CELA3A: variants seen among roughly 807,000 people sequenced by gnomAD.
CELA3A encodes chymotrypsin like elastase 3A, also known as chymotrypsin-like elastase family member 3A.
Under a neutral mutation model 38.6 loss-of-function variants are expected in CELA3A, and 35 were observed. That is an observed-to-expected ratio of 0.91 (90% CI 0.69 to 1.20). The LOEUF (loss-of-function observed/expected upper bound fraction) is 1.20, where lower values mean the gene tolerates loss of function less well. Ranked by LOEUF, CELA3A falls within the 50% of genes most tolerant of loss-of-function variation. The pLI is 0.00. For missense variants in CELA3A, 343 were observed against 354.2 expected (o/e 0.97, Z 0.25); for synonymous variants, 143 against 136.7 (o/e 1.05, Z -0.32).
intron 6 of CELA3A, among the ~76,000 whole-genome samples, chr1:22,008,152 CTTTTT>C (rs71016968): frequency 1.5e-4 from 13 of 86,842 alleles, no homozygotes; most frequent in Non-Finnish European, 2.4e-4. Flanking sequence ...GACGTTGTCT[CTTTTT>C]TTTTTTTTTT....
At chr1:22,003,712 C>G (rs12088555) in intron 2 of CELA3A, among the ~76,000 whole-genome samples, 52,587 of 150,034 alleles carry the variant, frequency 0.35, 10,754 homozygotes, top group East Asian at 0.49. Context: ...ATTATTATTA[C>G]TATTATTATT....
Position 22,007,387 on chromosome 1 carries a change from C to A in CELA3A, c.514C>A (p.Pro172Thr). The A allele has an allele frequency of 1.2e-6, 2 of 1,611,538 alleles. No individual in the cohort carries two copies. The highest frequency in any genetic ancestry group is 1.7e-6 in the Non-Finnish European group (2 of 1,178,898). Residue 172 changes from proline to threonine, a missense_variant, in exon 6 of 8, where the codon CCA becomes ACA. Coordinates refer to ENST00000290122, the MANE Select transcript of CELA3A (RefSeq NM_005747.5). ...WGRLYTNGPL[P>T]DKLQQARLPV... is the part of the protein sequence containing the mutation. ...TATCCTTGCAGCCAATGGGCCACTCCCAGACAAGCTGCAGCAGGCCCGGCT... is the reference window on the plus strand; with the variant it reads ...TATCCTTGCAGCCAATGGGCCACTCACAGACAAGCTGCAGCAGGCCCGGCT...
intron 7 of CELA3A, chr1:22,010,296 G>A (rs147644802): frequency 8.6e-5 from 33 of 381,690 alleles, no homozygotes; most frequent in South Asian, 2.0e-4. Context: ...AACGCTCATG[G>A]TAACAGTAAT....
At chr1:22,011,548 C>T (rs1178544828) in intron 7 of CELA3A, among the ~76,000 whole-genome samples, 6 of 127,736 alleles carry the variant, frequency 4.7e-5, no homozygotes, top group Admixed American at 1.8e-4. Context: ...ATCACAAGGT[C>T]AGGAGTTCGA....
At chr1:22,004,705 G>A (rs1354602605) in intron 2 of CELA3A, among the ~76,000 whole-genome samples, 14 of 151,782 alleles carry the variant, frequency 9.2e-5, no homozygotes, top group Non-Finnish European at 1.8e-4. Flanking sequence ...TGGAGCTTTT[G>A]AAAATCAGAA....
chr1:22,003,531 T>G (rs1644930429), intron 2 of CELA3A, among the ~76,000 whole-genome samples: 1 of 150,322 alleles, frequency 6.7e-6, no homozygotes, highest in Admixed American at 6.6e-5. Context: ...TTTAATTAAA[T>G]TAGGCCAGGT....
At chr1:22,009,637 A>G in intron 6 of CELA3A, 68 bp from the exon 7 acceptor site, 1 of 1,560,962 alleles carries the variant, frequency 6.4e-7, no homozygotes, top group Admixed American at 2.1e-5. Context: ...TGAAATCCCT[A>G]GAATTCAGAA....
chr1:22,001,807 C>G, intron 1 of CELA3A, 90 bp downstream of exon 1: 2 of 1,552,870 alleles, frequency 1.3e-6, no homozygotes, highest in East Asian at 4.5e-5. Flanking sequence ...CCATGACATG[C>G]TATGCCTGGT....
intron 4 of CELA3A, chr1:22,006,062 G>T (rs1431025512): frequency 4.2e-6 from 2 of 472,572 alleles, no homozygotes; most frequent in Non-Finnish European, 7.4e-6. Context: ...CTCTGCCAAG[G>T]CCACTTGGCT....
At position 22,006,954 on chromosome 1, in the gene CELA3A, G is replaced by C; in HGVS notation, c.439G>C (p.Ala147Pro). The change falls in exon 5 of 8, where the codon GCT becomes CCT. Residue 147 changes from alanine to proline, a missense_variant. Ala to Pro is a conservative substitution (Grantham distance 27). Coordinates refer to ENST00000290122, the MANE Select transcript of CELA3A (RefSeq NM_005747.5). ...CGTCCAGCTCGCCTCACTCCCTCCCGCTGGTGACATCCTTCCCAACAAGAC... is the reference window on the plus strand; with the variant it reads ...CGTCCAGCTCGCCTCACTCCCTCCCCCTGGTGACATCCTTCCCAACAAGAC... Reference protein sequence around the residue: ...DAVQLASLPPAGDILPNKTPC... With the variant: ...DAVQLASLPPPGDILPNKTPC... 1 of 1,612,342 alleles carries C rather than the reference G, an allele frequency of 6.2e-7. No homozygotes were observed.
At position 22,006,073 on chromosome 1, in the gene CELA3A, A is replaced by G. The variant is rs1168477751; in HGVS notation, c.362+277A>G. On this transcript the variant is annotated intron_variant, in intron 4 of 7. Transcript: ENST00000290122. ...GGAACTCTGCCAAGGCCACTTGGCT[A>G]GTGGCTTCAGAGCTCAGGGTTCCTC... is the stretch of plus-strand genomic sequence containing the variant. 3.1e-5 allele frequency: 14 copies of G among 445,962 alleles called. No homozygotes were observed. In the South Asian group the frequency reaches 4.8e-4, roughly 15 times the overall value. 27.6% of individuals were successfully genotyped at this position (445,962 alleles called of 1,614,324 possible). A position where few individuals can be genotyped will look rare whatever the true frequency, so the allele number is the denominator to read the frequency against.
At position 22,005,790 on chromosome 1, in the gene CELA3A, C is replaced by T. The variant is rs1644946410; in HGVS notation, c.356C>T (p.Ala119Val). 7 of 1,611,214 alleles carry T rather than the reference C, an allele frequency of 4.3e-6. No homozygotes were observed. In the South Asian group the frequency reaches 5.5e-5, roughly 13 times the overall value. The change falls in exon 4 of 8, where the codon GCC (alanine) becomes GTC (valine). Residue 119 changes from alanine to valine, a missense_variant. Ala to Val is a moderately conservative substitution (Grantham distance 64). Coordinates refer to ENST00000290122, the MANE Select transcript of CELA3A (RefSeq NM_005747.5). ...CCACTCTGGAACCGCTCGTGTGTGG[C>T]CTGTGGGTGAGTGAATGCTCCGGTC... ...VHPLWNRSCV[A>V]CGNDIALIKL... is the part of the protein sequence containing the mutation.
chr1:22,003,742 G>T (rs1349805228), intron 2 of CELA3A, among the ~76,000 whole-genome samples: 2 of 150,966 alleles, frequency 1.3e-5, no homozygotes, highest in Non-Finnish European at 2.9e-5. Context: ...TTTCACTCTT[G>T]TTGCCCAGGC....
intron 1 of CELA3A, chr1:22,002,541 C>G (rs1383440841): frequency 8.8e-6 from 4 of 455,072 alleles, no homozygotes; most frequent in Non-Finnish European, 1.8e-5. Flanking sequence ...TGAGGTCTTG[C>G]TATGTTGCCC....
chr1:22,004,451 C>A (rs1485973119), intron 2 of CELA3A, among the ~76,000 whole-genome samples: 1 of 150,782 alleles, frequency 6.6e-6, no homozygotes, highest in East Asian at 2.0e-4. Flanking sequence ...ATAGAACATT[C>A]CCATGATTAT....
chr1:22,008,891 C>T (rs541582061), intron 6 of CELA3A, among the ~76,000 whole-genome samples: 92 of 152,070 alleles, frequency 6.0e-4, no homozygotes, highest in Non-Finnish European at 2.6e-4. Context: ...GTGCTAAGAT[C>T]GTGCATCATC....
rs148819370 is a variant in CELA3A, at chr1:22,002,259, C to A, written c.43+542C>A. 1.1e-3 allele frequency among the ~76,000 whole-genome samples: 164 copies of A among 151,466 alleles called. 6 individuals are homozygous for A. The highest frequency in any genetic ancestry group is 3.9e-3 in the African/African-American group (159 of 41,008). ...CTTTCTCATGTAATTCTCACAACAG[C>A]CTCAGGAGATCAGTACTATCATTAT... On this transcript the variant is annotated intron_variant, in intron 1 of 7. Coordinates refer to ENST00000290122, the MANE Select transcript of CELA3A (RefSeq NM_005747.5).
intron 1 of CELA3A, chr1:22,002,646 A>G (rs1644925369): frequency 2.3e-6 from 1 of 442,788 alleles, no homozygotes; most frequent in East Asian, 6.9e-5. Context: ...CACAGCCCAG[A>G]GCTGCACTTT....
intron 1 of CELA3A, 76 bp from the exon 2 acceptor site, chr1:22,002,927 C>G: frequency 7.3e-7 from 1 of 1,371,100 alleles, no homozygotes; most frequent in African/African-American, 1.7e-5. Flanking sequence ...GAAGGCATGG[C>G]TTGGACTGGG....
Sources: allele counts gnomAD v4.1 joint callset (sites outside exome capture counted in the v4.1 genomes callset), GRCh38; gene constraint gnomAD v4.1.1; transcripts MANE v1.5; gene names NCBI Gene and HGNC (gene_info 2026-07-23, HGNC 2026-07-21).